BCLAF1: variants seen among roughly 807,000 people sequenced by gnomAD.
The protein encoded by BCLAF1 is bcl-2-associated transcription factor 1.
BCLAF1 carries 10 observed loss-of-function variants against 99.5 expected under a neutral mutation model. That is an observed-to-expected ratio of 0.10 (90% CI 0.06 to 0.17). The LOEUF (loss-of-function observed/expected upper bound fraction) is 0.17. BCLAF1 is among the 10% of genes least tolerant of loss of function. BCLAF1 has a pLI of 1.00. For synonymous variants in BCLAF1, 255 were observed against 370.9 expected (o/e 0.69, Z 3.59); for missense variants, 636 against 1,105.8 (o/e 0.58, Z 6.02).
chr6:136,262,692 G>C (rs143583924), intron 11 of BCLAF1, among the ~76,000 whole-genome samples: 1 of 152,006 alleles, frequency 6.6e-6, no homozygotes, highest in Non-Finnish European at 1.5e-5. Flanking sequence ...ATTTAAATAC[G>C]GCAGAGTTTA....
intron 6 of BCLAF1, 90 bp downstream of exon 6, chr6:136,275,442 G>A: frequency 7.9e-7 from 1 of 1,266,574 alleles, no homozygotes; most frequent in Non-Finnish European, 1.1e-6. Context: ...TGCTAGCCCT[G>A]GGGTACATGA....
At chr6:136,274,096 C>T in intron 6 of BCLAF1, 1 of 1,287,734 alleles carries the variant, frequency 7.8e-7, no homozygotes, top group Non-Finnish European at 1.0e-6. Context: ...GCCATTTTTG[C>T]CAGGAAGACA....
intron 10 of BCLAF1, 99 bp from the exon 11 acceptor site, chr6:136,267,274 A>G: frequency 7.6e-7 from 1 of 1,319,672 alleles, no homozygotes; most frequent in Non-Finnish European, 1.0e-6. Flanking sequence ...CATATGCCCT[A>G]ATTTCCTATC....
intron 11 of BCLAF1, 100 bp downstream of exon 11, chr6:136,266,929 G>A (rs1781799786): frequency 1.4e-6 from 2 of 1,402,922 alleles, no homozygotes; most frequent in Admixed American, 4.4e-5. Flanking sequence ...ACATAACGGT[G>A]AATCTTCTTA....
Position 136,279,754 on chromosome 6 carries a change from T to A in BCLAF1, c.104+9A>T. The A allele has an allele frequency of 8.4e-6, 13 of 1,553,974 alleles. No homozygotes were observed. The highest frequency in any genetic ancestry group is 1.1e-5 in the Non-Finnish European group (13 of 1,152,254). On this transcript the variant is annotated intron_variant, in intron 3 of 12. Transcript: ENST00000531224. The stretch of plus-strand genomic sequence containing the variant: ...AATTATTTTAAAAATTTAAAGCACA[T>A]TAAATCACCTGTATCGCTTCTTTCT...
rs368036947 is a variant in BCLAF1 at position 136,276,795 on chromosome 6, G to A, written c.1017-287C>T. On this transcript the variant is annotated intron_variant, in intron 4 of 12. Coordinates refer to ENST00000531224, the MANE Select transcript of BCLAF1 (RefSeq NM_014739.3). ...ACAATCCACAATTCTGCACTAACAC[G>A]AACTTCTAGAGATTGCCTAAATTTA... Among the ~76,000 whole-genome samples the A allele has an allele frequency of 1.1e-4, 17 of 152,168 alleles. 1 individual carries two copies. The South Asian group carries it at 2.5e-3, about 22-fold the overall frequency.
chr6:136,261,056 T>C lies in BCLAF1; in HGVS notation c.*54A>G, dbSNP rs1780898063. The C allele has an allele frequency of 6.7e-7, 1 of 1,488,542 alleles. No individual in the cohort carries two copies. Among genetic ancestry groups the C allele is most frequent in the Non-Finnish European group, 9.0e-7 (1 of 1,106,556 alleles). The allele number at this position is 1,488,542 out of a possible 1,614,324, so 92.2% of individuals were successfully genotyped here. ...TTCTTATTTGAAAACAAAAATCAGGTAAAAAAAATGGTGGGTGCAAGTTCT... is the reference window on the plus strand; with the variant it reads ...TTCTTATTTGAAAACAAAAATCAGGCAAAAAAAATGGTGGGTGCAAGTTCT... On this transcript the variant is annotated 3_prime_UTR_variant, in exon 13 of 13. Transcript: ENST00000531224.
In BCLAF1 at chr6:136,260,282, T is replaced by C. The variant is rs553436714; in HGVS notation, c.*828A>G. On this transcript the variant is annotated 3_prime_UTR_variant, in exon 13 of 13. Coordinates refer to ENST00000531224, the MANE Select transcript of BCLAF1 (RefSeq NM_014739.3). ...GTTTTTCTTCTGTTTAAAACTAGGATGTTCAGTAGAAATGGGGTTTCTATT... is the reference window on the plus strand; with the variant it reads ...GTTTTTCTTCTGTTTAAAACTAGGACGTTCAGTAGAAATGGGGTTTCTATT... 2 of 152,034 alleles carry C rather than the reference T, an allele frequency of 1.3e-5. No homozygotes were observed. The highest frequency in any genetic ancestry group is 4.8e-5 in the African/African-American group (2 of 41,432). The allele number at this position is 152,034 out of a possible 1,614,324, so 9.4% of individuals were successfully genotyped here.
Position 136,273,111 on chromosome 6 carries a change from A to T in BCLAF1, c.1929T>A (p.Ser643Arg). 1.2e-6 allele frequency: 2 copies of T among 1,612,054 alleles called. No individual in the cohort carries two copies. The highest frequency in any genetic ancestry group is 2.2e-5 in the South Asian group (2 of 91,026). Reference sequence around the variant, plus strand: ...GTATTTCAGGGCTCTTTTGCCGAGTACTATGTTCTTCAGTGGCTTTCTGAT... The same window carrying T: ...GTATTTCAGGGCTCTTTTGCCGAGTTCTATGTTCTTCAGTGGCTTTCTGAT... ...TSYQKATEEH[S>R]TRQKSPEIHR... The change falls in exon 7 of 13, where the codon AGT becomes AGA. Residue 643 changes from serine to arginine, a missense_variant. By Grantham distance (110) the Ser-to-Arg change is moderately radical. Transcript: ENST00000531224.
At chr6:136,265,966 T>C (rs1389935447) in intron 11 of BCLAF1, among the ~76,000 whole-genome samples, 1 of 152,116 alleles carries the variant, frequency 6.6e-6, no homozygotes, top group Non-Finnish European at 1.5e-5. Flanking sequence ...ATCAAATGCC[T>C]TTTACTTTCC....
chr6:136,265,463 A>C (rs1781586933), intron 11 of BCLAF1, among the ~76,000 whole-genome samples: 1 of 152,166 alleles, frequency 6.6e-6, no homozygotes, highest in Non-Finnish European at 1.5e-5. Flanking sequence ...CTAGCCCCTT[A>C]GTTCAGACAC....
At chr6:136,280,411 T>C (rs185539755) in intron 2 of BCLAF1, among the ~76,000 whole-genome samples, 20 of 152,282 alleles carry the variant, frequency 1.3e-4, no homozygotes, top group African/African-American at 4.6e-4. Context: ...GATAGTATCC[T>C]AGAACAATAC....
rs1262734936 is a variant in BCLAF1, at chr6:136,258,574, AAAC to A, written c.*2533_*2535del. 1 of 152,522 alleles carries A rather than the reference AAAC, an allele frequency of 6.6e-6. No individual in the cohort carries two copies. The highest frequency in any genetic ancestry group is 1.5e-5 in the Non-Finnish European group (1 of 67,926). The allele number at this position is 152,522 out of a possible 1,614,324, so 9.4% of individuals were successfully genotyped here. A position where few individuals can be genotyped will look rare whatever the true frequency, so the allele number is the denominator to read the frequency against. Reference sequence around the variant, plus strand: ...ATGTGTGAAATAGACACAGGTAAACAAACAACAGCAGTTATTACTTGTGACATT... The same window carrying A: ...ATGTGTGAAATAGACACAGGTAAACAAACAGCAGTTATTACTTGTGACATT... On this transcript the variant is annotated 3_prime_UTR_variant, in exon 13 of 13. Transcript: ENST00000531224.
intron 9 of BCLAF1, 109 bp from the exon 10 acceptor site, chr6:136,268,448 AAAATT>A (rs1408141246): frequency 3.2e-6 from 3 of 949,272 alleles, no homozygotes; most frequent in African/African-American, 1.7e-5. Flanking sequence ...ATCCCCTAAT[AAAATT>A]ATGTAAATAA....
chr6:136,279,061 A>T (rs1562260777), intron 3 of BCLAF1, among the ~76,000 whole-genome samples: 1 of 151,778 alleles, frequency 6.6e-6, no homozygotes, highest in Non-Finnish European at 1.5e-5. Context: ...ATTAGGACAT[A>T]TTAGCAAATT....
chr6:136,267,304 G>T, intron 10 of BCLAF1, 129 bp from the exon 11 acceptor site: 2 of 1,076,168 alleles, frequency 1.9e-6, no homozygotes, highest in Non-Finnish European at 2.6e-6. Flanking sequence ...TGGCCATTGA[G>T]GATGAAAAGG....
chr6:136,284,130 G>GTATGTATATATATATATA (rs1554220651), intron 1 of BCLAF1, among the ~76,000 whole-genome samples: 1 of 122,120 alleles, frequency 8.2e-6, no homozygotes, highest in African/African-American at 4.1e-5. Context: ...GTGTGTGTGT[G>GTATGTATATATATATATA]TATATATATA....
Position 136,269,478 on chromosome 6 carries a change from A to T in BCLAF1, c.2178T>A (p.Thr726=). 1 of 1,610,870 alleles carries T rather than the reference A, an allele frequency of 6.2e-7. No homozygotes were observed. The highest frequency in any genetic ancestry group is 8.5e-7 in the Non-Finnish European group (1 of 1,178,550). The part of the protein sequence containing the change: ...ESSGSRKQEK[T]PKDYKEYKSY... ...ATTTGTATTCCTTGTAATCTTTTGG[A>T]GTTTTTTCCTGCTTTCTTGATCCAC... Residue 726 remains threonine, a synonymous_variant, in exon 9 of 13, where the codon ACT becomes ACA. Coordinates refer to ENST00000531224, the MANE Select transcript of BCLAF1 (RefSeq NM_014739.3).
At chr6:136,269,868 G>C (rs1191768485) in intron 8 of BCLAF1, 4 of 298,680 alleles carry the variant, frequency 1.3e-5, no homozygotes, top group East Asian at 1.2e-4. Context: ...AATTTTGCAG[G>C]TTTTTATCCA....
Sources: allele counts gnomAD v4.1 joint callset (sites outside exome capture counted in the v4.1 genomes callset), GRCh38; gene constraint gnomAD v4.1.1; transcripts MANE v1.5; gene names NCBI Gene and HGNC (gene_info 2026-07-23, HGNC 2026-07-21).